Variants in RSU1 observed in about 807,000 individuals in gnomAD.
RSU1 encodes Ras suppressor protein 1, also known as rsu-1.
A neutral mutation model predicts 31.1 loss-of-function variants in RSU1; 26 were observed. The observed-to-expected ratio is 0.84, with a 90% CI of 0.61 to 1.16. RSU1 has a LOEUF of 1.16. RSU1 is among the 50% of genes most tolerant of loss of function. The pLI, the probability that RSU1 is intolerant of heterozygous loss-of-function variation, is 0.00. For missense variants in RSU1, 320 were observed against 339.1 expected, an observed-to-expected ratio of 0.94 and a Z score of 0.44; for synonymous variants, 164 against 136.3, an observed-to-expected ratio of 1.20 and a Z score of -1.41.
chr10:16,692,047 C>T (rs1481008600), intron 8 of RSU1, among the ~76,000 whole-genome samples: 4 of 152,244 alleles, frequency 2.6e-5, no homozygotes, highest in Admixed American at 1.3e-4. Context: ...CGTGAGCCAC[C>T]GCACCCAGCC....
chr10:16,660,206 G>A (rs961414316), intron 8 of RSU1, among the ~76,000 whole-genome samples: 1 of 152,166 alleles, frequency 6.6e-6, no homozygotes, highest in Non-Finnish European at 1.5e-5. Context: ...TAAAAGGCTT[G>A]GGCTTCCGAA....
chr10:16,644,274 A>G (rs1342385237), intron 8 of RSU1, among the ~76,000 whole-genome samples: 2 of 152,168 alleles, frequency 1.3e-5, no homozygotes, highest in African/African-American at 4.8e-5. Flanking sequence ...ATTATATAGG[A>G]AGTTCATGTT....
At chr10:16,752,707 C>T (rs1588512758) in intron 6 of RSU1, 54 bp from the exon 7 acceptor site, 2 of 1,318,452 alleles carry the variant, frequency 1.5e-6, no homozygotes, top group South Asian at 2.4e-5. Context: ...AGGTGCTCCA[C>T]AGAAACTCTC....
At chr10:16,742,753 G>A (rs1234249649) in intron 7 of RSU1, among the ~76,000 whole-genome samples, 1 of 152,142 alleles carries the variant, frequency 6.6e-6, no homozygotes, top group Admixed American at 6.5e-5. Context: ...ACAGATTGAT[G>A]CACATGTTCA....
At chr10:16,780,386 CT>C (rs1837627026) in intron 3 of RSU1, among the ~76,000 whole-genome samples, 1 of 152,122 alleles carries the variant, frequency 6.6e-6, no homozygotes, top group Non-Finnish European at 1.5e-5. Context: ...ACCACAGGTG[CT>C]GGACCCACTA....
intron 3 of RSU1, among the ~76,000 whole-genome samples, chr10:16,768,758 T>C (rs1837368998): frequency 6.6e-6 from 1 of 152,216 alleles, no homozygotes; most frequent in South Asian, 2.1e-4. Context: ...TTTGTCCATC[T>C]GACGTGCCAG....
chr10:16,674,887 G>C (rs1000682325), intron 8 of RSU1, among the ~76,000 whole-genome samples: 1 of 152,082 alleles, frequency 6.6e-6, no homozygotes, highest in African/African-American at 2.4e-5. Context: ...ACAAAGATTA[G>C]CCAGGCGTGG....
intron 3 of RSU1, among the ~76,000 whole-genome samples, chr10:16,775,460 A>C (rs1055855865): frequency 1.3e-5 from 2 of 152,158 alleles, no homozygotes; most frequent in African/African-American, 4.8e-5. Context: ...CAGGACCTCT[A>C]GAAAAAGGAT....
intron 8 of RSU1, among the ~76,000 whole-genome samples, chr10:16,678,874 G>A (rs1835277781): frequency 6.6e-6 from 1 of 151,702 alleles, no homozygotes; most frequent in Admixed American, 6.6e-5. Flanking sequence ...CATTCCACAT[G>A]CCCCATGGAC....
intron 8 of RSU1, among the ~76,000 whole-genome samples, chr10:16,598,065 G>C (rs1353755573): frequency 6.6e-6 from 1 of 152,248 alleles, no homozygotes; most frequent in East Asian, 1.9e-4. Flanking sequence ...GGGCAAGTAA[G>C]TGTGGTAGAC....
chr10:16,668,501 T>G (rs1835041373), intron 8 of RSU1, among the ~76,000 whole-genome samples: 2 of 152,320 alleles, frequency 1.3e-5, no homozygotes, highest in South Asian at 2.1e-4. Context: ...ATCTAAAAAG[T>G]AACAAGGAAA....
chr10:16,777,217 G>T (rs11254177), intron 3 of RSU1, among the ~76,000 whole-genome samples: 2,403 of 151,436 alleles, frequency 0.016, 60 homozygotes, highest in East Asian at 0.11. Flanking sequence ...AGTTATTTTT[G>T]AATTAAAATC....
chr10:16,762,260 T>G (rs1171500409), intron 4 of RSU1, among the ~76,000 whole-genome samples: 2 of 151,948 alleles, frequency 1.3e-5, no homozygotes, highest in Admixed American at 6.6e-5. Context: ...TACTGCTCAG[T>G]ATGTGCCAAG....
At chr10:16,745,182 A>G (rs1836825753) in intron 7 of RSU1, among the ~76,000 whole-genome samples, 1 of 152,030 alleles carries the variant, frequency 6.6e-6, no homozygotes. Context: ...ATAAATATCC[A>G]CTGTGCCCGT....
At chr10:16,644,681 T>G (rs574836563) in intron 8 of RSU1, among the ~76,000 whole-genome samples, 3 of 152,118 alleles carry the variant, frequency 2.0e-5, no homozygotes, top group African/African-American at 2.4e-5. Context: ...GCTAAATGGA[T>G]CTGCAGAAAG....
At chr10:16,719,962 G>A (rs75407671) in intron 7 of RSU1, among the ~76,000 whole-genome samples, 200 of 152,318 alleles carry the variant, frequency 1.3e-3, no homozygotes, top group African/African-American at 4.7e-3. Context: ...AAAGGAACCT[G>A]CAAATTGAGG....
intron 8 of RSU1, among the ~76,000 whole-genome samples, chr10:16,665,781 T>C (rs1191783634): frequency 3.3e-5 from 5 of 152,194 alleles, no homozygotes; most frequent in South Asian, 4.1e-4. Context: ...ACTGAAGATA[T>C]TCCACGGATC....
intron 7 of RSU1, among the ~76,000 whole-genome samples, chr10:16,746,617 T>A (rs1161793981): frequency 6.8e-6 from 1 of 147,828 alleles, no homozygotes; most frequent in Non-Finnish European, 1.5e-5. Context: ...AGAAATGGAA[T>A]AGAAAACTGC....
At chr10:16,691,671 C>G (rs1265576062) in intron 8 of RSU1, among the ~76,000 whole-genome samples, 4 of 150,802 alleles carry the variant, frequency 2.7e-5, no homozygotes, top group Non-Finnish European at 5.9e-5. Context: ...ACCAGCTGGT[C>G]CCCGTGGAAA....
Sources: gnomAD v4.1 joint callset for allele counts (sites outside exome capture counted in the v4.1 genomes callset) on GRCh38, gnomAD v4.1.1 for gene constraint, MANE v1.5 for transcripts, NCBI Gene and HGNC (gene_info 2026-07-23, HGNC 2026-07-21) for gene names.